The following RERE variants were observed in gnomAD, a reference collection of about 807,000 sequenced individuals.
The protein encoded by RERE is arginine-glutamic acid dipeptide repeats, also known as arginine-glutamic acid dipeptide repeats protein.
Under a neutral mutation model 146.1 loss-of-function variants are expected in RERE, and 40 were observed. The observed-to-expected ratio is 0.27, with a 90% CI of 0.21 to 0.36. RERE has a LOEUF of 0.36. RERE is among the 10% of genes least tolerant of loss of function. The pLI is 1.00. For synonymous variants in RERE, 1,003 were observed against 866.0 expected, an observed-to-expected ratio of 1.16 and a Z score of -2.78; for missense variants, 1,933 against 2,138.7, an observed-to-expected ratio of 0.90 and a Z score of 1.90.
chr1:8,364,623 C>T lies in RERE; in HGVS notation c.1540+123G>A. ...TTTCTAACTTTCTCGAATCCCGAAGCACAATGCAAATGTCAAATCAAGTAC... is the reference window on the plus strand; with the variant it reads ...TTTCTAACTTTCTCGAATCCCGAAGTACAATGCAAATGTCAAATCAAGTAC... On this transcript the variant is annotated intron_variant, in intron 14 of 22. Transcript: ENST00000400908. This position sits in a 1 kb window ranked among gnomAD's most constrained non-coding sequence, Gnocchi z 5.1. The T allele has an allele frequency of 1.4e-6, 1 of 728,722 alleles. No homozygotes were observed. Among genetic ancestry groups the T allele is most frequent in the South Asian group, 1.6e-5 (1 of 63,952 alleles). 45.1% of individuals were successfully genotyped at this position (728,722 alleles called of 1,614,324 possible). A position where few individuals can be genotyped will look rare whatever the true frequency, so the allele number is the denominator to read the frequency against.
At chr1:8,427,566 C>T (rs2124478516) in intron 11 of RERE, among the ~76,000 whole-genome samples, 1 of 146,272 alleles carries the variant, frequency 6.8e-6, no homozygotes, top group Non-Finnish European at 1.5e-5. Context: ...GTGGTGAACA[C>T]AGACCTACCA....
chr1:8,392,156 A>G (rs1642903496), intron 12 of RERE, among the ~76,000 whole-genome samples: 1 of 152,270 alleles, frequency 6.6e-6, no homozygotes, highest in Non-Finnish European at 1.5e-5. Flanking sequence ...ATGAATGAGT[A>G]TAAAGAAATC....
At position 8,681,837 on chromosome 1, in the gene RERE, G is replaced by A. The variant is rs903037516; in HGVS notation, c.-144-25396C>T. On this transcript the variant is annotated intron_variant, in intron 1 of 22. Coordinates refer to ENST00000400908, the MANE Select transcript of RERE (RefSeq NM_001042681.2). ...AATTTTAAGAGTAGCCATTAAATAA[G>A]TAGGACAGGAATGGAAGGCGAAATT... Among the ~76,000 whole-genome samples the A allele has an allele frequency of 1.3e-5, 2 of 152,156 alleles. 1 individual carries two copies. Among genetic ancestry groups the A allele is most frequent in the South Asian group, 4.1e-4 (2 of 4,822 alleles).
chr1:8,646,047 G>A (rs897440335), intron 2 of RERE, among the ~76,000 whole-genome samples: 1 of 150,840 alleles, frequency 6.6e-6, no homozygotes, highest in Admixed American at 6.6e-5. Context: ...GAGAACTGAG[G>A]AGATGTCACT....
chr1:8,673,700 A>G (rs1638771515), intron 1 of RERE, among the ~76,000 whole-genome samples: 1 of 152,218 alleles, frequency 6.6e-6, no homozygotes, highest in African/African-American at 2.4e-5. Flanking sequence ...AAAATAAGAA[A>G]AAGTCAAGTA....
At chr1:8,402,211 C>T (rs112949231) in intron 12 of RERE, among the ~76,000 whole-genome samples, 81 of 152,250 alleles carry the variant, frequency 5.3e-4, no homozygotes, top group African/African-American at 1.6e-3. Context: ...GGCCACAGAA[C>T]GCAGCCAACC....
At chr1:8,468,369 C>T (rs1644632101) in intron 10 of RERE, among the ~76,000 whole-genome samples, 1 of 152,168 alleles carries the variant, frequency 6.6e-6, no homozygotes, top group South Asian at 2.1e-4. Context: ...AACAAGCAGA[C>T]ATTTGTCAAG....
chr1:8,620,228 G>C (rs1327963789), intron 3 of RERE, among the ~76,000 whole-genome samples: 1 of 152,164 alleles, frequency 6.6e-6, no homozygotes, highest in Non-Finnish European at 1.5e-5. Flanking sequence ...AGCCAGGTGA[G>C]AGCTCTTTAC....
chr1:8,708,546 G>C (rs922827934), intron 1 of RERE, among the ~76,000 whole-genome samples: 1 of 152,048 alleles, frequency 6.6e-6, no homozygotes, highest in Non-Finnish European at 1.5e-5. Flanking sequence ...AGCTGGTCTG[G>C]AACTCCTGAC....
intron 1 of RERE, among the ~76,000 whole-genome samples, chr1:8,787,998 T>C (rs937077191): frequency 2.0e-5 from 3 of 152,022 alleles, no homozygotes; most frequent in Non-Finnish European, 4.4e-5. Flanking sequence ...CTTCGGAAGC[T>C]GGGGTGGGAG....
intron 10 of RERE, among the ~76,000 whole-genome samples, chr1:8,486,243 T>C (rs191203088): frequency 3.3e-5 from 5 of 152,236 alleles, no homozygotes; most frequent in Admixed American, 1.3e-4. Context: ...AGAGAGCAAG[T>C]TGATGGCAAG....
At chr1:8,428,783 T>G (rs972013378) in intron 11 of RERE, among the ~76,000 whole-genome samples, 1 of 152,172 alleles carries the variant, frequency 6.6e-6, no homozygotes, top group African/African-American at 2.4e-5. Flanking sequence ...ACAGCTATAT[T>G]GGAATAAAAA....
At chr1:8,611,597 A>G (rs1646794348) in intron 4 of RERE, among the ~76,000 whole-genome samples, 1 of 152,230 alleles carries the variant, frequency 6.6e-6, no homozygotes, top group Admixed American at 6.5e-5. Context: ...TTAACCACTC[A>G]AAAGAGGTCA....
At chr1:8,538,785 T>G (rs1219870629) in intron 7 of RERE, among the ~76,000 whole-genome samples, 1 of 152,210 alleles carries the variant, frequency 6.6e-6, no homozygotes, top group Non-Finnish European at 1.5e-5. Context: ...CAGTGGTGAC[T>G]AGAAAGGTCA....
chr1:8,440,945 A>G (rs1449626523), intron 11 of RERE, among the ~76,000 whole-genome samples: 2 of 136,238 alleles, frequency 1.5e-5, no homozygotes, highest in African/African-American at 5.5e-5. Context: ...TGCTCTATGA[A>G]CACACTAAAT....
At chr1:8,773,552 A>G (rs1640996808) in intron 1 of RERE, among the ~76,000 whole-genome samples, 1 of 152,250 alleles carries the variant, frequency 6.6e-6, no homozygotes, top group South Asian at 2.1e-4. Context: ...TTAGCTGGGC[A>G]CGGTAGCTCA....
At chr1:8,810,479 G>A (rs967590616) in intron 1 of RERE, among the ~76,000 whole-genome samples, 17 of 152,168 alleles carry the variant, frequency 1.1e-4, no homozygotes, top group African/African-American at 3.9e-4. Context: ...GATGGTGCAT[G>A]CCTATGGTCC....
At chr1:8,581,787 C>G (rs1646368798) in intron 4 of RERE, among the ~76,000 whole-genome samples, 2 of 152,150 alleles carry the variant, frequency 1.3e-5, no homozygotes, top group South Asian at 4.1e-4. Flanking sequence ...CACAGGATCA[C>G]TGGCATTTTA....
intron 1 of RERE, among the ~76,000 whole-genome samples, chr1:8,669,024 C>CTGTG (rs59647434): frequency 0.022 from 968 of 43,400 alleles, 48 homozygotes; most frequent in Middle Eastern, 0.034. Flanking sequence ...GCACTCAACT[C>CTGTG]TGTGTGTGTG....
Sources: allele counts gnomAD v4.1 joint callset (sites outside exome capture counted in the v4.1 genomes callset), GRCh38; gene constraint gnomAD v4.1.1; non-coding constraint Gnocchi (gnomAD v3.1); transcripts MANE v1.5; gene names NCBI Gene and HGNC (gene_info 2026-07-23, HGNC 2026-07-21).